PTPRD: variants seen among roughly 807,000 people sequenced by gnomAD.
PTPRD encodes the protein receptor-type tyrosine-protein phosphatase delta.
Under a neutral mutation model 214.5 loss-of-function variants are expected in PTPRD, and 34 were observed. The observed-to-expected ratio is 0.16, with a 90% CI of 0.12 to 0.21. The LOEUF is 0.21. Among genes scored for constraint, PTPRD ranks in the 10% least tolerant of loss-of-function variants. The probability of loss-of-function intolerance (pLI) is 1.00; values close to 1 mark genes in which losing one functional copy is unlikely to be tolerated. For missense variants in PTPRD, 2,545 were observed against 2,398.7 expected (o/e 1.06, Z -1.27); for synonymous variants, 1,128 against 845.7 (o/e 1.33, Z -5.79).
chr9:8,870,916 C>T (rs1276148921), intron 11 of PTPRD, among the ~76,000 whole-genome samples: 2 of 152,144 alleles, frequency 1.3e-5, no homozygotes, highest in Non-Finnish European at 2.9e-5. Flanking sequence ...GGCAGTTTGC[C>T]GTATCCTTGG....
chr9:10,276,673 C>T (rs932769143), intron 3 of PTPRD, among the ~76,000 whole-genome samples: 1 of 152,194 alleles, frequency 6.6e-6, no homozygotes, highest in African/African-American at 2.4e-5. Flanking sequence ...ACATATATTG[C>T]ACCTGGCATA....
intron 27 of PTPRD, among the ~76,000 whole-genome samples, chr9:8,491,942 C>T (rs2097159527): frequency 6.6e-6 from 1 of 152,056 alleles, no homozygotes. Context: ...GGGAGATTGC[C>T]ATATATGAGG....
chr9:9,348,547 T>G (rs116861489), intron 9 of PTPRD, among the ~76,000 whole-genome samples: 1,943 of 152,212 alleles, frequency 0.013, 25 homozygotes, highest in Middle Eastern at 0.017. Flanking sequence ...AATCACCCCT[T>G]TAATCATCAT....
chr9:9,249,869 G>C (rs947641596), intron 9 of PTPRD, among the ~76,000 whole-genome samples: 13 of 151,970 alleles, frequency 8.6e-5, no homozygotes, highest in African/African-American at 3.1e-4. Context: ...AGACTTCAGT[G>C]GTTTCAGGTA....
intron 2 of PTPRD, among the ~76,000 whole-genome samples, chr9:10,602,922 T>G (rs915258782): frequency 6.6e-6 from 1 of 151,804 alleles, no homozygotes; most frequent in Admixed American, 6.6e-5. Context: ...CACTCCACCA[T>G]GAGCTTATCT....
At chr9:10,586,264 T>C (rs1165209666) in intron 2 of PTPRD, among the ~76,000 whole-genome samples, 1 of 151,986 alleles carries the variant, frequency 6.6e-6, no homozygotes, top group Non-Finnish European at 1.5e-5. Flanking sequence ...TGGCATGAAC[T>C]GTGAGGACAA....
At chr9:8,915,786 G>A (rs1024510797) in intron 11 of PTPRD, among the ~76,000 whole-genome samples, 1 of 152,180 alleles carries the variant, frequency 6.6e-6, no homozygotes, top group Admixed American at 6.5e-5. Flanking sequence ...CAAGTGATTG[G>A]ATGAGGCACA....
intron 2 of PTPRD, among the ~76,000 whole-genome samples, chr9:10,570,003 A>G (rs116522398): frequency 4.0e-4 from 61 of 152,244 alleles, no homozygotes; most frequent in African/African-American, 1.4e-3. Context: ...TATTACTTAT[A>G]TATACTAAAC....
chr9:10,205,240 C>A (rs2099464271), intron 3 of PTPRD, among the ~76,000 whole-genome samples: 1 of 151,208 alleles, frequency 6.6e-6, no homozygotes, highest in Non-Finnish European at 1.5e-5. Context: ...TTTTTTTCAA[C>A]TGCAAAAAAT....
chr9:8,768,460 G>A (rs944889081), intron 11 of PTPRD, among the ~76,000 whole-genome samples: 9 of 152,064 alleles, frequency 5.9e-5, no homozygotes, highest in Non-Finnish European at 8.8e-5. Context: ...GCTGAGAGGT[G>A]GAAGAATCTC....
intron 14 of PTPRD, among the ~76,000 whole-genome samples, chr9:8,584,027 A>ACC (rs1321860538): frequency 5.9e-5 from 9 of 152,074 alleles, no homozygotes; most frequent in Non-Finnish European, 1.3e-4. Context: ...GGTGGTGTGT[A>ACC]CTTGTAGTCT....
At chr9:8,456,502 C>G (rs2096208661) in intron 33 of PTPRD, among the ~76,000 whole-genome samples, 1 of 152,112 alleles carries the variant, frequency 6.6e-6, no homozygotes, top group African/African-American at 2.4e-5. Context: ...ACTCAGAAGC[C>G]AGAAAGCAGA....
At chr9:9,284,479 A>T (rs1305450811) in intron 9 of PTPRD, among the ~76,000 whole-genome samples, 1 of 151,682 alleles carries the variant, frequency 6.6e-6, no homozygotes, top group African/African-American at 2.4e-5. Context: ...AAGCAAAACA[A>T]TATTAACTAC....
chr9:10,005,878 A>T (rs1199492288), intron 4 of PTPRD, among the ~76,000 whole-genome samples: 1 of 152,106 alleles, frequency 6.6e-6, no homozygotes, highest in Non-Finnish European at 1.5e-5. Flanking sequence ...TAAAATATAC[A>T]AAATTATGGT....
At chr9:9,404,777 TAGCACATTAGAG>T (rs995175761) in intron 8 of PTPRD, among the ~76,000 whole-genome samples, 1 of 152,006 alleles carries the variant, frequency 6.6e-6, no homozygotes, top group African/African-American at 2.4e-5. Context: ...AGTACATAGG[TAGCACATTAGAG>T]AGTTTAGGCC....
At chr9:9,027,742 T>C (rs557035033) in intron 10 of PTPRD, among the ~76,000 whole-genome samples, 2 of 152,054 alleles carry the variant, frequency 1.3e-5, no homozygotes, top group African/African-American at 2.4e-5. Context: ...TGTTTAGTGA[T>C]GGTGAAGTTT....
chr9:8,454,667 C>G, intron 33 of PTPRD: 1 of 1,514,206 alleles, frequency 6.6e-7, no homozygotes. Flanking sequence ...CAAGGATAAC[C>G]ATGACAACCA....
intron 2 of PTPRD, among the ~76,000 whole-genome samples, chr9:10,402,650 G>A (rs1218998596): frequency 6.6e-6 from 1 of 151,610 alleles, no homozygotes; most frequent in Non-Finnish European, 1.5e-5. Flanking sequence ...ATAAACTGAA[G>A]AAACTAAACT....
chr9:9,613,730 G>A lies in PTPRD; in HGVS notation c.-286-38949C>T, dbSNP rs571688097. Reference sequence around the variant, plus strand: ...TAGCATGGGCACCAAGTGACAGCTTGTTAGAATCTCAGGCCCACCCCCTAG... The same window carrying A: ...TAGCATGGGCACCAAGTGACAGCTTATTAGAATCTCAGGCCCACCCCCTAG... On this transcript the variant is annotated intron_variant, in intron 7 of 45. Transcript: ENST00000381196. 1.7e-4 allele frequency among the ~76,000 whole-genome samples: 26 copies of A among 152,290 alleles called. No individual in the cohort carries two copies. The South Asian group carries it at 5.4e-3, about 32-fold the overall frequency.
Sources: gnomAD v4.1 joint callset for allele counts (sites outside exome capture counted in the v4.1 genomes callset) on GRCh38, gnomAD v4.1.1 for gene constraint, MANE v1.5 for transcripts, NCBI Gene and HGNC (gene_info 2026-07-23, HGNC 2026-07-21) for gene names.